Variants in HTR1F observed in about 807,000 individuals in gnomAD.
The protein encoded by HTR1F is 5-hydroxytryptamine (serotonin) receptor 1F, G protein-coupled.
A neutral mutation model predicts 24.0 loss-of-function variants in HTR1F; 17 were observed. The ratio of observed to expected loss-of-function variants is 0.71; its 90% confidence interval spans 0.48 to 1.06. HTR1F has a LOEUF of 1.06. Ranked by LOEUF, HTR1F falls within the 50% of genes least tolerant of loss-of-function variation. The pLI is 0.00. For synonymous variants in HTR1F, 186 were observed against 156.8 expected (o/e 1.19, Z -1.39); for missense variants, 391 against 427.8 (o/e 0.91, Z 0.76).
chr3:87,874,860 T>C (rs1243283361), intron 2 of HTR1F, among the ~76,000 whole-genome samples: 1 of 152,100 alleles, frequency 6.6e-6, no homozygotes, highest in Non-Finnish European at 1.5e-5. Context: ...TCTCCAATAA[T>C]GGTGTGAAGA....
At chr3:87,933,155 C>G (rs939252156) in intron 2 of HTR1F, among the ~76,000 whole-genome samples, 59 of 151,952 alleles carry the variant, frequency 3.9e-4, no homozygotes, top group Admixed American at 9.2e-4. Context: ...ATTCAACAAC[C>G]CTTCATGCTA....
At chr3:87,837,643 G>T (rs1167329952) in intron 2 of HTR1F, among the ~76,000 whole-genome samples, 1 of 151,990 alleles carries the variant, frequency 6.6e-6, no homozygotes. Flanking sequence ...AGTAGAAATA[G>T]ATGAATATAC....
chr3:87,823,202 C>T (rs1704393465), intron 2 of HTR1F, among the ~76,000 whole-genome samples: 1 of 152,134 alleles, frequency 6.6e-6, no homozygotes, highest in Non-Finnish European at 1.5e-5. Flanking sequence ...CAGGAATGTA[C>T]TGTCTATTGC....
rs768967891 is a variant in HTR1F at position 87,990,857 on chromosome 3, G to A, written c.108G>A (p.Met36Ile). ...TCACTCTGTCTGGGCTGGCACTGAT[G>A]ACAACAACTATCAACTCCCTTGTGA... ...VSLTLSGLAL[M>I]TTTINSLVIA... Residue 36 changes from methionine (M) to isoleucine (I), a missense_variant, in exon 3 of 3, where the codon ATG becomes ATA. Physicochemically the swap from Met to Ile is conservative, Grantham distance 10. Transcript: ENST00000319595. 1.2e-6 allele frequency: 2 copies of A among 1,614,186 alleles called. No homozygotes were observed. Among genetic ancestry groups the A allele is most frequent in the South Asian group, 2.2e-5 (2 of 91,076 alleles).
At chr3:87,814,251 A>T (rs763647135) in intron 1 of HTR1F, among the ~76,000 whole-genome samples, 1 of 152,122 alleles carries the variant, frequency 6.6e-6, no homozygotes, top group Non-Finnish European at 1.5e-5. Flanking sequence ...ATCTGTCTTA[A>T]TTTATTTCAT....
At chr3:87,877,824 G>A (rs1251018504) in intron 2 of HTR1F, among the ~76,000 whole-genome samples, 2 of 152,184 alleles carry the variant, frequency 1.3e-5, no homozygotes, top group Non-Finnish European at 2.9e-5. Context: ...AACACTGTTT[G>A]TCTTTGGGTA....
At chr3:87,901,671 T>C (rs1706326564) in intron 2 of HTR1F, among the ~76,000 whole-genome samples, 1 of 152,060 alleles carries the variant, frequency 6.6e-6, no homozygotes, top group South Asian at 2.1e-4. Flanking sequence ...GATATAATTG[T>C]TCCTTAATAT....
At chr3:87,894,935 G>A (rs186702477) in intron 2 of HTR1F, among the ~76,000 whole-genome samples, 229 of 152,238 alleles carry the variant, frequency 1.5e-3, no homozygotes, top group African/African-American at 5.3e-3. Context: ...CACTGTTAGC[G>A]TGACGCCTGG....
intron 2 of HTR1F, among the ~76,000 whole-genome samples, chr3:87,851,193 A>G (rs1009628934): frequency 6.6e-6 from 1 of 151,632 alleles, no homozygotes; most frequent in African/African-American, 2.4e-5. Flanking sequence ...TCTTTTACCA[A>G]AATTTTATTA....
chr3:87,879,015 T>C (rs1186959176), intron 2 of HTR1F, among the ~76,000 whole-genome samples: 3 of 152,126 alleles, frequency 2.0e-5, no homozygotes, highest in Non-Finnish European at 4.4e-5. Context: ...AAGTAGAAAA[T>C]GAATTTTGAT....
chr3:87,926,507 T>C (rs1313195412), intron 2 of HTR1F, among the ~76,000 whole-genome samples: 2 of 152,204 alleles, frequency 1.3e-5, no homozygotes, highest in Non-Finnish European at 2.9e-5. Context: ...TGATGAGATA[T>C]TGTTCATTAA....
intron 2 of HTR1F, among the ~76,000 whole-genome samples, chr3:87,914,006 G>A (rs570371922): frequency 1.1e-4 from 17 of 152,244 alleles, no homozygotes; most frequent in South Asian, 8.3e-4. Flanking sequence ...TGAAGGAAGC[G>A]GATTGCTCCT....
At chr3:87,948,090 A>G (rs1348702108) in intron 2 of HTR1F, among the ~76,000 whole-genome samples, 2 of 152,206 alleles carry the variant, frequency 1.3e-5, no homozygotes, top group Non-Finnish European at 2.9e-5. Flanking sequence ...ATGTTATAAA[A>G]CATTAAGGCT....
chr3:87,810,932 G>A (rs1307826067), intron 1 of HTR1F, among the ~76,000 whole-genome samples: 1 of 152,180 alleles, frequency 6.6e-6, no homozygotes, highest in African/African-American at 2.4e-5. Context: ...ATCTGAGATA[G>A]ATCTTATATC....
At chr3:87,917,746 AT>A (rs1486435100) in intron 2 of HTR1F, among the ~76,000 whole-genome samples, 6 of 151,848 alleles carry the variant, frequency 4.0e-5, no homozygotes, top group Admixed American at 3.3e-4. Flanking sequence ...TAAAAAAAAA[AT>A]GTCCAGGACC....
intron 2 of HTR1F, among the ~76,000 whole-genome samples, chr3:87,903,797 A>C (rs963649109): frequency 1.3e-5 from 2 of 152,216 alleles, no homozygotes; most frequent in South Asian, 2.1e-4. Context: ...AGGAATATAA[A>C]TCATGCTGCT....
At chr3:87,953,517 T>C (rs1704879497) in intron 2 of HTR1F, among the ~76,000 whole-genome samples, 1 of 143,230 alleles carries the variant, frequency 7.0e-6, no homozygotes, top group Non-Finnish European at 1.5e-5. Context: ...AGAATGGCTA[T>C]TACCAAAAGG....
At chr3:87,957,489 C>A (rs141825528) in intron 2 of HTR1F, among the ~76,000 whole-genome samples, 2 of 150,906 alleles carry the variant, frequency 1.3e-5, no homozygotes, top group African/African-American at 2.4e-5. Flanking sequence ...GAAAATGTTT[C>A]TTTCTCTTCT....
chr3:87,834,355 A>C (rs2107160865), intron 2 of HTR1F, among the ~76,000 whole-genome samples: 1 of 152,318 alleles, frequency 6.6e-6, no homozygotes, highest in East Asian at 1.9e-4. Flanking sequence ...ATACTCATAT[A>C]AATGTGAATA....
Sources: allele counts gnomAD v4.1 joint callset (sites outside exome capture counted in the v4.1 genomes callset), GRCh38; gene constraint gnomAD v4.1.1; transcripts MANE v1.5; gene names NCBI Gene and HGNC (gene_info 2026-07-23, HGNC 2026-07-21).